The following TOM1L1 variants were observed in gnomAD, a reference collection of about 807,000 sequenced individuals.
TOM1L1 encodes the protein TOM1-like protein 1.
TOM1L1 carries 64 observed loss-of-function variants against 63.4 expected under a neutral mutation model. That is an observed-to-expected ratio of 1.01 (90% CI 0.83 to 1.24). The LOEUF (loss-of-function observed/expected upper bound fraction) is 1.24, where lower values mean the gene tolerates loss of function less well. Ranked by LOEUF, TOM1L1 falls within the 50% of genes most tolerant of loss-of-function variation. The pLI is 0.00. For synonymous variants in TOM1L1, 166 were observed against 194.4 expected (o/e 0.85, Z 1.22); for missense variants, 536 against 567.0 (o/e 0.95, Z 0.55).
Position 54,913,643 on chromosome 17 carries a change from G to A in TOM1L1, c.373-105G>A. 7.2e-6 allele frequency: 9 copies of A among 1,250,160 alleles called. No individual in the cohort carries two copies. In the South Asian group the frequency reaches 1.2e-4, roughly 16 times the overall value. The allele number at this position is 1,250,160 out of a possible 1,614,324, so 77.4% of individuals were successfully genotyped here. The stretch of plus-strand genomic sequence containing the variant: ...ATTGTGCCATTGCACTCCAGCCCGG[G>A]CAATAGTGTGAGACTCTGTCTCAAA... On this transcript the variant is annotated intron_variant, in intron 4 of 15. Transcript: ENST00000575882.
At chr17:54,923,913 A>C (rs1272980356) in intron 7 of TOM1L1, among the ~76,000 whole-genome samples, 1 of 151,586 alleles carries the variant, frequency 6.6e-6, no homozygotes, top group African/African-American at 2.4e-5. Flanking sequence ...GGGAGCTTGA[A>C]CCTGGGAGGT....
At chr17:54,909,927 T>A (rs1009007302) in intron 3 of TOM1L1, among the ~76,000 whole-genome samples, 7 of 152,240 alleles carry the variant, frequency 4.6e-5, no homozygotes, top group Non-Finnish European at 7.3e-5. Context: ...TAGGTTTTAT[T>A]ACTTATCTGA....
chr17:54,948,788 G>A (rs1487660161), intron 12 of TOM1L1, among the ~76,000 whole-genome samples: 3 of 152,214 alleles, frequency 2.0e-5, no homozygotes, highest in Non-Finnish European at 4.4e-5. Context: ...ATTATGAGAA[G>A]AGATATTTCT....
At position 54,914,717 on chromosome 17, in the gene TOM1L1, T is replaced by A. The variant is rs1270240599; in HGVS notation, c.577T>A (p.Ser193Thr). The change falls in exon 6 of 16, where the codon TCG (serine) becomes ACG (threonine). Residue 193 changes from serine (S) to threonine (T), a missense_variant. Transcript: ENST00000575882. ...TTCTTCTGTAATTGCTCCAAAGAAC[T>A]CGACTGTTACATTGGTCCCAGAACA... Reference protein sequence around the residue: ...ALSSVIAPKNSTVTLVPEQIG... With the variant: ...ALSSVIAPKNTTVTLVPEQIG... 6.2e-7 allele frequency: 1 copy of A among 1,613,498 alleles called. No individual in the cohort carries two copies. The highest frequency in any genetic ancestry group is 1.7e-5 in the Admixed American group (1 of 60,018).
chr17:54,957,449 G>A (rs1362809419), intron 14 of TOM1L1: 1 of 152,192 alleles, frequency 6.6e-6, no homozygotes, highest in African/African-American at 2.4e-5. Flanking sequence ...CAAACAGGTA[G>A]TGGAAAAGTT....
intron 11 of TOM1L1, among the ~76,000 whole-genome samples, chr17:54,946,767 C>T (rs2049126181): frequency 6.6e-6 from 1 of 152,184 alleles, no homozygotes; most frequent in Non-Finnish European, 1.5e-5. Flanking sequence ...GGTAAATTCA[C>T]CAACAGTTCA....
At chr17:54,948,991 A>G (rs1443468422) in intron 12 of TOM1L1, among the ~76,000 whole-genome samples, 3 of 151,948 alleles carry the variant, frequency 2.0e-5, no homozygotes, top group African/African-American at 7.3e-5. Flanking sequence ...CACAGTTTCT[A>G]TGGGAAATAG....
chr17:54,901,426 A>G (rs778457286), intron 1 of TOM1L1, among the ~76,000 whole-genome samples: 3 of 152,126 alleles, frequency 2.0e-5, no homozygotes, highest in Non-Finnish European at 2.9e-5. Context: ...TTTTCTGGGT[A>G]AACAAAGAGA....
Position 54,903,547 on chromosome 17 carries a change from T to G in TOM1L1, c.59-161T>G, listed in dbSNP as rs903062123. 19 of 660,040 alleles carry G rather than the reference T, an allele frequency of 2.9e-5. 1 individual carries two copies. The highest frequency in any genetic ancestry group is 8.2e-5 in the East Asian group (3 of 36,738). The allele number at this position is 660,040 out of a possible 1,614,324, so 40.9% of individuals were successfully genotyped here. ...CAGCACTCTGAACTTGGGTTCTGAT[T>G]GATTCCTGAATTACTGAGAACTGTT... is the stretch of plus-strand genomic sequence containing the variant. On this transcript the variant is annotated intron_variant, in intron 1 of 15. Coordinates refer to ENST00000575882, the MANE Select transcript of TOM1L1 (RefSeq NM_005486.3).
intron 7 of TOM1L1, among the ~76,000 whole-genome samples, chr17:54,928,813 T>C (rs1295760290): frequency 6.6e-6 from 1 of 151,662 alleles, no homozygotes. Context: ...CTGACTCACC[T>C]TTTTTTTTCT....
chr17:54,960,954 C>T (rs868384005), intron 15 of TOM1L1, among the ~76,000 whole-genome samples: 11 of 152,090 alleles, frequency 7.2e-5, no homozygotes, highest in South Asian at 2.1e-4. Flanking sequence ...ACTTGTTAAC[C>T]GGTACCAGTA....
chr17:54,940,147 C>T (rs758720339), intron 11 of TOM1L1, among the ~76,000 whole-genome samples: 18 of 152,078 alleles, frequency 1.2e-4, no homozygotes, highest in Non-Finnish European at 1.3e-4. Context: ...CCATGTGCCT[C>T]GGCCTCCCAA....
At chr17:54,955,105 ACT>A (rs2049429467) in intron 14 of TOM1L1, 1 of 152,168 alleles carries the variant, frequency 6.6e-6, no homozygotes, top group African/African-American at 2.4e-5. Flanking sequence ...GGGCTTCCAA[ACT>A]CTGGAGATTA....
At chr17:54,956,932 A>G (rs939960975) in intron 14 of TOM1L1, 7 of 152,204 alleles carry the variant, frequency 4.6e-5, no homozygotes, top group Non-Finnish European at 7.3e-5. Flanking sequence ...CACAGGTCAC[A>G]TGTTATGGTA....
At chr17:54,910,877 T>A (rs568492141) in intron 3 of TOM1L1, among the ~76,000 whole-genome samples, 1 of 152,206 alleles carries the variant, frequency 6.6e-6, no homozygotes, top group African/African-American at 2.4e-5. Context: ...TGCCGCTTTA[T>A]GTATTGCCAT....
At chr17:54,948,540 G>A (rs925776233) in intron 12 of TOM1L1, among the ~76,000 whole-genome samples, 7 of 152,020 alleles carry the variant, frequency 4.6e-5, no homozygotes, top group African/African-American at 1.2e-4. Flanking sequence ...CTGCTTAAAC[G>A]TCCCCAGTGA....
chr17:54,935,928 G>T (rs9909096), intron 8 of TOM1L1, among the ~76,000 whole-genome samples: 43,857 of 151,884 alleles, frequency 0.29, 6,358 homozygotes, highest in Middle Eastern at 0.31. Flanking sequence ...TTCGAAACCA[G>T]CCTGACCAAC....
At chr17:54,901,990 T>C (rs1401368738) in intron 1 of TOM1L1, among the ~76,000 whole-genome samples, 1 of 152,142 alleles carries the variant, frequency 6.6e-6, no homozygotes, top group Non-Finnish European at 1.5e-5. Flanking sequence ...GTTCTTCTGC[T>C]TAATTTTTTA....
chr17:54,947,384 T>A, intron 12 of TOM1L1, 72 bp downstream of exon 12: 1 of 1,491,594 alleles, frequency 6.7e-7, no homozygotes, highest in East Asian at 2.3e-5. Context: ...GAACTCATGG[T>A]CATTAATTCC....
Sources: gnomAD v4.1 joint callset for allele counts (sites outside exome capture counted in the v4.1 genomes callset) on GRCh38, gnomAD v4.1.1 for gene constraint, MANE v1.5 for transcripts, NCBI Gene and HGNC (gene_info 2026-07-23, HGNC 2026-07-21) for gene names.